ARHGAP10: variants seen among roughly 807,000 people sequenced by gnomAD.
ARHGAP10 encodes Rho GTPase activating protein 10.
Under a neutral mutation model 108.6 loss-of-function variants are expected in ARHGAP10, and 87 were observed. The observed-to-expected ratio is 0.80, with a 90% CI of 0.67 to 0.96. The LOEUF is 0.96. Among genes scored for constraint, ARHGAP10 ranks in the 40% least tolerant of loss-of-function variants. The probability of loss-of-function intolerance (pLI) is 0.00; values close to 1 mark genes in which losing one functional copy is unlikely to be tolerated. For missense variants in ARHGAP10, 939 were observed against 954.5 expected (o/e 0.98, Z 0.21); for synonymous variants, 347 against 341.1 (o/e 1.02, Z -0.19).
chr4:147,849,914 C>G (rs948747229), intron 4 of ARHGAP10, among the ~76,000 whole-genome samples: 2 of 152,136 alleles, frequency 1.3e-5, no homozygotes, highest in African/African-American at 2.4e-5. Context: ...TTCAAAAAGC[C>G]CTTTTGCTAT....
intron 1 of ARHGAP10, among the ~76,000 whole-genome samples, chr4:147,817,443 G>T (rs1445203625): frequency 6.6e-6 from 1 of 152,182 alleles, no homozygotes; most frequent in East Asian, 1.9e-4. Context: ...TCTGCTATAA[G>T]AAATAATTTT....
intron 16 of ARHGAP10, among the ~76,000 whole-genome samples, chr4:147,961,655 C>T (rs544857522): frequency 3.3e-5 from 5 of 152,030 alleles, no homozygotes; most frequent in Admixed American, 3.3e-4. Flanking sequence ...GTTCTGAAAT[C>T]CCACTCTTCT....
At chr4:147,755,082 C>CAAA (rs550063397) in intron 1 of ARHGAP10, among the ~76,000 whole-genome samples, 9 of 103,706 alleles carry the variant, frequency 8.7e-5, no homozygotes, top group African/African-American at 3.1e-4. Context: ...AACTCCGTCT[C>CAAA]AAAAAAAAAA....
intron 22 of ARHGAP10, among the ~76,000 whole-genome samples, chr4:148,070,760 AC>A (rs1730137327): frequency 6.6e-6 from 1 of 152,082 alleles, no homozygotes; most frequent in African/African-American, 2.4e-5. Context: ...ATCAGAAGCC[AC>A]CTTTCGAGTT....
At chr4:147,837,650 T>TTTTTTTTTTTTTTTTTTTTTTTTTTG (rs71250029) in intron 3 of ARHGAP10, among the ~76,000 whole-genome samples, 1 of 112,002 alleles carries the variant, frequency 8.9e-6, no homozygotes, top group Non-Finnish European at 1.8e-5. Flanking sequence ...ACTGTTTTTT[T>TTTTTTTTTTTTTTTTTTTTTTTTTTG]TTTTTTTTTT....
rs138657292 is a variant in ARHGAP10, at chr4:148,048,877, A to G, written c.2027+1826A>G. Among the ~76,000 whole-genome samples the G allele has an allele frequency of 8.7e-3, 1,329 of 152,222 alleles. 13 individuals carry two copies. Among genetic ancestry groups the G allele is most frequent in the African/African-American group, 0.03 (1,249 of 41,508 alleles). ...CCAGCTTCCTATTCATACGCATTTT[A>G]AAATGTCATGAAAAGCACTCCAACC... On this transcript the variant is annotated intron_variant, in intron 20 of 22. Coordinates refer to ENST00000336498, the MANE Select transcript of ARHGAP10 (RefSeq NM_024605.4).
chr4:148,013,260 G>T (rs1024379127), intron 18 of ARHGAP10, among the ~76,000 whole-genome samples: 3 of 152,196 alleles, frequency 2.0e-5, no homozygotes, highest in African/African-American at 7.2e-5. Flanking sequence ...TCTTAAATAT[G>T]TAAGTCATTC....
intron 1 of ARHGAP10, among the ~76,000 whole-genome samples, chr4:147,734,283 A>G (rs572240722): frequency 2.6e-5 from 4 of 152,278 alleles, no homozygotes; most frequent in Admixed American, 2.0e-4. Flanking sequence ...ATCAGGACAC[A>G]TGCGTTAGGT....
chr4:147,920,372 G>A (rs1166246736), intron 13 of ARHGAP10, among the ~76,000 whole-genome samples: 3 of 136,032 alleles, frequency 2.2e-5, no homozygotes, highest in African/African-American at 1.0e-4. Flanking sequence ...AGCGGATTGC[G>A]CCACTGCACT....
intron 15 of ARHGAP10, 73 bp from the exon 16 acceptor site, chr4:147,955,243 T>A: frequency 7.2e-7 from 1 of 1,387,832 alleles, no homozygotes; most frequent in Non-Finnish European, 1.0e-6. Context: ...AAATTTAACA[T>A]CCTTTCATAA....
chr4:147,784,361 A>G (rs1014034170), intron 1 of ARHGAP10, among the ~76,000 whole-genome samples: 29 of 128,832 alleles, frequency 2.3e-4, no homozygotes, highest in Admixed American at 5.3e-4. Context: ...TTTATAAATT[A>G]TATAATACAT....
intron 10 of ARHGAP10, among the ~76,000 whole-genome samples, chr4:147,899,915 A>G (rs1465815712): frequency 6.6e-6 from 1 of 151,906 alleles, no homozygotes; most frequent in Non-Finnish European, 1.5e-5. Flanking sequence ...CCTCTTAGAA[A>G]AGCAATAGAA....
At position 147,926,939 on chromosome 4, in the gene ARHGAP10, A is replaced by C. The variant is rs374344355; in HGVS notation, c.1229-12886A>C. ...TTTTTTTCTTAGGTGTTATTTTCTC[A>C]TAAGAACCATGTGAGACAGGTGGTA... On this transcript the variant is annotated intron_variant, in intron 13 of 22. Coordinates refer to ENST00000336498, the MANE Select transcript of ARHGAP10 (RefSeq NM_024605.4). Among the ~76,000 whole-genome samples the C allele has an allele frequency of 4.9e-4, 74 of 152,240 alleles. 1 individual carries two copies. In the South Asian group the frequency reaches 0.014, roughly 29 times the overall value.
At chr4:147,771,440 A>C (rs563604979) in intron 1 of ARHGAP10, among the ~76,000 whole-genome samples, 1 of 152,230 alleles carries the variant, frequency 6.6e-6, no homozygotes, top group African/African-American at 2.4e-5. Flanking sequence ...CTATCACCTG[A>C]GGCATTTTTG....
chr4:147,977,723 T>G (rs1739649641), intron 18 of ARHGAP10, among the ~76,000 whole-genome samples: 1 of 152,154 alleles, frequency 6.6e-6, no homozygotes, highest in African/African-American at 2.4e-5. Flanking sequence ...TATTACATGG[T>G]GTTGAAGTTG....
intron 14 of ARHGAP10, chr4:147,946,372 C>T: frequency 2.4e-6 from 1 of 410,258 alleles, no homozygotes; most frequent in Non-Finnish European, 4.3e-6. Flanking sequence ...TCTAATTCTT[C>T]CTTACTCCCA....
rs747780515 is a variant in ARHGAP10, at chr4:148,023,335, C to T, written c.1789C>T (p.Pro597Ser). 49 of 1,614,240 alleles carry T rather than the reference C, an allele frequency of 3.0e-5. No individual in the cohort carries two copies. The Middle Eastern group carries it at 1.5e-3, about 49-fold the overall frequency. ...GTCAGCATCACCCCCAAATGCGCCACCAAGGCAGTCGAAGAGACAAGGCCA... is the reference window on the plus strand; with the variant it reads ...GTCAGCATCACCCCCAAATGCGCCATCAAGGCAGTCGAAGAGACAAGGCCA... Reference protein sequence around the residue: ...CLSASPPNAPPRQSKRQGQRT... With the variant: ...CLSASPPNAPSRQSKRQGQRT... Residue 597 changes from proline (P) to serine (S), a missense_variant, in exon 19 of 23, where the codon CCA becomes TCA. By Grantham distance (74) the Pro-to-Ser change is moderately conservative (BLOSUM62 -1). Transcript: ENST00000336498.
At chr4:147,777,075 A>G (rs1047927938) in intron 1 of ARHGAP10, among the ~76,000 whole-genome samples, 2 of 152,194 alleles carry the variant, frequency 1.3e-5, no homozygotes, top group African/African-American at 4.8e-5. Context: ...GATAGCTGTT[A>G]CAGTCAGTTT....
chr4:147,852,457 A>G (rs1473305469), intron 4 of ARHGAP10, among the ~76,000 whole-genome samples: 2 of 152,078 alleles, frequency 1.3e-5, no homozygotes, highest in Non-Finnish European at 2.9e-5. Flanking sequence ...CTTAAAGGAA[A>G]GGGGTGGGTT....
Sources: allele counts gnomAD v4.1 joint callset (sites outside exome capture counted in the v4.1 genomes callset), GRCh38; gene constraint gnomAD v4.1.1; transcripts MANE v1.5; gene names NCBI Gene and HGNC (gene_info 2026-07-23, HGNC 2026-07-21).